The following DENND1B variants were observed in gnomAD, a reference collection of about 807,000 sequenced individuals.
The protein encoded by DENND1B is DENN domain-containing protein 1B.
Under a neutral mutation model 90.1 loss-of-function variants are expected in DENND1B, and 59 were observed. The ratio of observed to expected loss-of-function variants is 0.65; its 90% CI spans 0.53 to 0.81. The LOEUF (loss-of-function observed/expected upper bound fraction) is 0.81, where lower values mean the gene tolerates loss of function less well. Ranked by LOEUF, DENND1B falls within the 40% of genes least tolerant of loss-of-function variation. The pLI is 0.00. For synonymous variants in DENND1B, 337 were observed against 324.6 expected, an observed-to-expected ratio of 1.04 and a Z score of -0.41; for missense variants, 862 against 912.6, an observed-to-expected ratio of 0.94 and a Z score of 0.71.
intron 5 of DENND1B, among the ~76,000 whole-genome samples, chr1:197,670,443 CTGTGTGTG>C (rs60648023): frequency 3.7e-4 from 37 of 99,566 alleles, no homozygotes; most frequent in African/African-American, 1.3e-3. Flanking sequence ...GGGGGGAAGA[CTGTGTGTG>C]TGTGTGTGTG....
chr1:197,687,830 AAAAG>A (rs1424412771), intron 3 of DENND1B, among the ~76,000 whole-genome samples: 2 of 152,130 alleles, frequency 1.3e-5, no homozygotes, highest in Non-Finnish European at 2.9e-5. Flanking sequence ...TTCGGCAATA[AAAAG>A]AAATAAAGGG....
chr1:197,630,173 T>G (rs1173553222), intron 10 of DENND1B, among the ~76,000 whole-genome samples: 1 of 152,118 alleles, frequency 6.6e-6, no homozygotes, highest in East Asian at 1.9e-4. Flanking sequence ...ATACTTTATT[T>G]TCTTCCTTTA....
At chr1:197,625,175 T>C (rs1270532372) in intron 10 of DENND1B, among the ~76,000 whole-genome samples, 1 of 151,904 alleles carries the variant, frequency 6.6e-6, no homozygotes, top group Non-Finnish European at 1.5e-5. Flanking sequence ...GCCACAAAGA[T>C]ATGCCTCGAG....
intron 20 of DENND1B, among the ~76,000 whole-genome samples, chr1:197,534,484 A>G (rs961782509): frequency 1.3e-5 from 2 of 152,192 alleles, no homozygotes; most frequent in Non-Finnish European, 2.9e-5. Context: ...AAAACATCTA[A>G]CCTATTTCTT....
chr1:197,601,746 G>A (rs16829925), intron 13 of DENND1B, among the ~76,000 whole-genome samples: 1,859 of 151,612 alleles, frequency 0.012, 42 homozygotes, highest in African/African-American at 0.043. Flanking sequence ...TCATTGCTGT[G>A]GGAAAGCCAG....
At chr1:197,650,250 T>TA (rs1476966161) in intron 7 of DENND1B, among the ~76,000 whole-genome samples, 3 of 152,160 alleles carry the variant, frequency 2.0e-5, no homozygotes, top group Non-Finnish European at 4.4e-5. Context: ...CAATAAAACA[T>TA]AATTATTCAA....
At chr1:197,667,854 A>G (rs183590851) in intron 5 of DENND1B, among the ~76,000 whole-genome samples, 95 of 152,274 alleles carry the variant, frequency 6.2e-4, no homozygotes, top group African/African-American at 2.2e-3. Flanking sequence ...TTTTAATATG[A>G]TACCTGTGGT....
chr1:197,577,213 G>A (rs753054621), intron 15 of DENND1B, among the ~76,000 whole-genome samples: 3 of 152,058 alleles, frequency 2.0e-5, no homozygotes, highest in African/African-American at 4.8e-5. Context: ...CATGAACAGA[G>A]CTCTAAAGGA....
intron 7 of DENND1B, among the ~76,000 whole-genome samples, chr1:197,650,783 G>C (rs930447424): frequency 6.6e-6 from 1 of 152,138 alleles, no homozygotes; most frequent in Admixed American, 6.5e-5. Flanking sequence ...ATCAAATATC[G>C]TATGTTCTCA....
chr1:197,639,086 CAT>C (rs1392386915), intron 10 of DENND1B, among the ~76,000 whole-genome samples: 1 of 144,500 alleles, frequency 6.9e-6, no homozygotes, highest in Non-Finnish European at 1.5e-5. Context: ...TTTTTTTTGA[CAT>C]AGTCTCACTC....
chr1:197,755,063 ACT>A (rs1558484406), intron 2 of DENND1B, among the ~76,000 whole-genome samples: 1 of 152,178 alleles, frequency 6.6e-6, no homozygotes, highest in African/African-American at 2.4e-5. Flanking sequence ...GCAAAGAAAA[ACT>A]TCATTCTACC....
intron 13 of DENND1B, among the ~76,000 whole-genome samples, chr1:197,603,410 A>G (rs1213685493): frequency 6.6e-6 from 1 of 151,286 alleles, no homozygotes; most frequent in African/African-American, 2.4e-5. Context: ...TACCATTAAC[A>G]GTATACTTTC....
Position 197,727,608 on chromosome 1 carries a change from G to T in DENND1B, c.83-12534C>A, listed in dbSNP as rs79178620. ...CTGGGAATTATATTAAAAATGCTAT[G>T]TATTTCTAATAGAAAACAGTGATCT... is the stretch of plus-strand genomic sequence containing the variant. On this transcript the variant is annotated intron_variant, in intron 2 of 22. Transcript: ENST00000620048. 3.9e-5 allele frequency among the ~76,000 whole-genome samples: 6 copies of T among 152,006 alleles called. No individual in the cohort carries two copies. In the East Asian group the frequency reaches 1.2e-3, roughly 29 times the overall value.
At chr1:197,751,061 G>A (rs1405608249) in intron 2 of DENND1B, among the ~76,000 whole-genome samples, 1 of 152,026 alleles carries the variant, frequency 6.6e-6, no homozygotes, top group South Asian at 2.1e-4. Context: ...AACATAAAAG[G>A]TTCGAAAAGC....
intron 10 of DENND1B, among the ~76,000 whole-genome samples, chr1:197,620,710 C>G (rs147236670): frequency 0.011 from 1,590 of 151,150 alleles, 35 homozygotes; most frequent in African/African-American, 0.037. Flanking sequence ...TTGCTTAATT[C>G]AACAAAAATT....
At position 197,506,209 on chromosome 1, in the gene DENND1B, A is replaced by G. The variant is rs1419533494; in HGVS notation, c.*4251T>C. 6.6e-6 allele frequency: 1 copy of G among 151,586 alleles called. No individual in the cohort carries two copies. The highest frequency in any genetic ancestry group is 1.5e-5 in the Non-Finnish European group (1 of 67,670). 9.4% of individuals were successfully genotyped at this position (151,586 alleles called of 1,614,324 possible). On this transcript the variant is annotated 3_prime_UTR_variant, in exon 23 of 23. Coordinates refer to ENST00000620048, the MANE Select transcript of DENND1B (RefSeq NM_001195215.2). ...AAGAAAAATTATTGCACGAAATCCTATTTTCAAAATAAAATATTCTTCTGT... is the reference window on the plus strand; with the variant it reads ...AAGAAAAATTATTGCACGAAATCCTGTTTTCAAAATAAAATATTCTTCTGT...
intron 15 of DENND1B, among the ~76,000 whole-genome samples, chr1:197,581,943 C>T (rs1303071482): frequency 2.6e-5 from 4 of 152,178 alleles, no homozygotes; most frequent in African/African-American, 9.7e-5. Flanking sequence ...CTGTGCTATA[C>T]TTCAGCATTT....
At chr1:197,743,596 C>A (rs773600553) in intron 2 of DENND1B, among the ~76,000 whole-genome samples, 8 of 152,170 alleles carry the variant, frequency 5.3e-5, no homozygotes, top group Non-Finnish European at 8.8e-5. Context: ...AAGTTTGCCA[C>A]ATCAATTCAT....
chr1:197,523,980 A>T (rs890788974), intron 20 of DENND1B, among the ~76,000 whole-genome samples: 2 of 152,064 alleles, frequency 1.3e-5, no homozygotes, highest in African/African-American at 4.8e-5. Flanking sequence ...GATAAAAAAA[A>T]CTCAAATGAT....
Sources: gnomAD v4.1 joint callset for allele counts (sites outside exome capture counted in the v4.1 genomes callset) on GRCh38, gnomAD v4.1.1 for gene constraint, MANE v1.5 for transcripts, NCBI Gene and HGNC (gene_info 2026-07-23, HGNC 2026-07-21) for gene names.